The following RALYL variants were observed in gnomAD, a reference collection of about 807,000 sequenced individuals.
RALYL encodes RALY RNA binding protein like, also known as RNA-binding Raly-like protein.
In RALYL, 29 loss-of-function variants were observed where a neutral mutation model predicts 35.1. That is an observed-to-expected ratio of 0.83 (90% CI 0.61 to 1.13). The LOEUF is 1.13. Ranked by LOEUF, RALYL falls within the 50% of genes most tolerant of loss-of-function variation. The pLI, the probability that RALYL is intolerant of heterozygous loss-of-function variation, is 0.00. For missense variants in RALYL, 359 were observed against 360.4 expected (o/e 1.00, Z 0.03); for synonymous variants, 120 against 127.6 (o/e 0.94, Z 0.40).
At chr8:84,400,676 G>T (rs1249218821) in intron 1 of RALYL, among the ~76,000 whole-genome samples, 1 of 152,046 alleles carries the variant, frequency 6.6e-6, no homozygotes, top group Non-Finnish European at 1.5e-5. Flanking sequence ...ATTTTTCAAG[G>T]GACTTGGGAT....
intron 1 of RALYL, among the ~76,000 whole-genome samples, chr8:84,193,059 G>A (rs886948346): frequency 5.3e-5 from 8 of 151,914 alleles, no homozygotes; most frequent in African/African-American, 1.7e-4. Flanking sequence ...TAGTCTATTA[G>A]TTGCCATTGA....
chr8:84,810,846 T>G (rs1437807218), intron 4 of RALYL, among the ~76,000 whole-genome samples: 1 of 152,194 alleles, frequency 6.6e-6, no homozygotes, highest in Non-Finnish European at 1.5e-5. Flanking sequence ...ATAAAATGCC[T>G]TTTTCCACCC....
chr8:84,481,908 T>C (rs1001806093), intron 1 of RALYL, among the ~76,000 whole-genome samples: 1 of 152,154 alleles, frequency 6.6e-6, no homozygotes, highest in African/African-American at 2.4e-5. Context: ...ATATATACAA[T>C]TATCAACTCT....
intron 2 of RALYL, among the ~76,000 whole-genome samples, chr8:84,594,875 T>G (rs1814116819): frequency 1.3e-5 from 2 of 152,140 alleles, no homozygotes; most frequent in Admixed American, 1.3e-4. Flanking sequence ...TTTAGAAAAT[T>G]GATCTTCCAG....
At chr8:84,344,042 T>A (rs1849360819) in intron 1 of RALYL, among the ~76,000 whole-genome samples, 1 of 152,096 alleles carries the variant, frequency 6.6e-6, no homozygotes, top group Non-Finnish European at 1.5e-5. Flanking sequence ...AAATGCCTAG[T>A]ATTTATGGTT....
rs139875744 is a variant in RALYL at position 84,453,703 on chromosome 8, A to G, written c.-23-75596A>G. Among the ~76,000 whole-genome samples, 363 of 152,160 alleles carry G rather than the reference A, an allele frequency of 2.4e-3. 1 individual carries two copies. Among genetic ancestry groups the G allele is most frequent in the South Asian group, 9.3e-3 (45 of 4,826 alleles). On this transcript the variant is annotated intron_variant, in intron 1 of 8. Transcript: ENST00000521268. ...TGTCTGAATTCAGGGACACAGTGTCAATGACATTGAACATCTCTTATTCAG... is the reference window on the plus strand; with the variant it reads ...TGTCTGAATTCAGGGACACAGTGTCGATGACATTGAACATCTCTTATTCAG...
intron 1 of RALYL, among the ~76,000 whole-genome samples, chr8:84,199,293 T>C (rs1369137912): frequency 6.6e-6 from 1 of 152,180 alleles, no homozygotes; most frequent in Non-Finnish European, 1.5e-5. Context: ...GCCTGTTTTC[T>C]TCTTTTGAGA....
chr8:84,212,043 T>C (rs537483903), intron 1 of RALYL, among the ~76,000 whole-genome samples: 1 of 152,218 alleles, frequency 6.6e-6, no homozygotes, highest in South Asian at 2.1e-4. Flanking sequence ...CTCAGGCAGT[T>C]TTAGTTCAAA....
intron 1 of RALYL, among the ~76,000 whole-genome samples, chr8:84,454,147 G>A (rs1164545718): frequency 6.6e-6 from 1 of 151,948 alleles, no homozygotes; most frequent in Non-Finnish European, 1.5e-5. Flanking sequence ...TGCCACGTGG[G>A]CATCAGCAAG....
At chr8:84,885,801 C>G (rs1313561361) in intron 7 of RALYL, among the ~76,000 whole-genome samples, 1 of 152,118 alleles carries the variant, frequency 6.6e-6, no homozygotes, top group Non-Finnish European at 1.5e-5. Flanking sequence ...CTCAACAGGC[C>G]TCTTGATCTA....
At chr8:84,370,183 G>A (rs1855398478) in intron 1 of RALYL, among the ~76,000 whole-genome samples, 1 of 152,040 alleles carries the variant, frequency 6.6e-6, no homozygotes, top group Non-Finnish European at 1.5e-5. Flanking sequence ...ATTTCTTCCA[G>A]TGAGCATTGA....
intron 6 of RALYL, among the ~76,000 whole-genome samples, chr8:84,865,948 T>C (rs1229496281): frequency 6.6e-6 from 1 of 152,194 alleles, no homozygotes; most frequent in Non-Finnish European, 1.5e-5. Flanking sequence ...GAAGGCTTTC[T>C]TATGTTGGGT....
chr8:84,258,525 A>G (rs1831616833), intron 1 of RALYL, among the ~76,000 whole-genome samples: 2 of 152,088 alleles, frequency 1.3e-5, no homozygotes, highest in Admixed American at 6.6e-5. Flanking sequence ...TCCTTGCCCA[A>G]ATAAACAAGT....
intron 2 of RALYL, among the ~76,000 whole-genome samples, chr8:84,749,876 G>A (rs1809538188): frequency 1.3e-5 from 2 of 152,180 alleles, no homozygotes; most frequent in Admixed American, 1.3e-4. Flanking sequence ...CAGGGAAGAT[G>A]AGCTCTGGGC....
At chr8:84,596,276 A>G (rs1048111165) in intron 2 of RALYL, among the ~76,000 whole-genome samples, 51 of 151,998 alleles carry the variant, frequency 3.4e-4, no homozygotes, top group African/African-American at 1.1e-3. Flanking sequence ...TCCCATCACT[A>G]TCTATACTTC....
chr8:84,787,160 GC>G (rs1242356957), intron 3 of RALYL, among the ~76,000 whole-genome samples: 1 of 137,552 alleles, frequency 7.3e-6, no homozygotes, highest in Non-Finnish European at 1.6e-5. Flanking sequence ...CCCTCCCCTA[GC>G]CCCCCACCCC....
At chr8:84,853,435 A>G (rs1393801377) in intron 5 of RALYL, among the ~76,000 whole-genome samples, 1 of 152,254 alleles carries the variant, frequency 6.6e-6, no homozygotes, top group East Asian at 1.9e-4. Flanking sequence ...CTTACTTGCC[A>G]AAGAACAAGA....
chr8:84,461,210 G>C (rs1323080690), intron 1 of RALYL, among the ~76,000 whole-genome samples: 1 of 151,514 alleles, frequency 6.6e-6, no homozygotes, highest in African/African-American at 2.4e-5. Context: ...AGTTTGCAAT[G>C]AAATATAATA....
intron 1 of RALYL, among the ~76,000 whole-genome samples, chr8:84,325,937 C>T (rs371188114): frequency 5.3e-4 from 80 of 152,024 alleles, no homozygotes; most frequent in Non-Finnish European, 8.7e-4. Context: ...TGAGACCAGC[C>T]CCGTCTCTAC....
Sources: allele counts gnomAD v4.1 joint callset (sites outside exome capture counted in the v4.1 genomes callset), GRCh38; gene constraint gnomAD v4.1.1; transcripts MANE v1.5; gene names NCBI Gene and HGNC (gene_info 2026-07-23, HGNC 2026-07-21).